ULK4: variants seen among roughly 807,000 people sequenced by gnomAD.
ULK4 encodes the protein inactive serine/threonine-protein kinase ULK4.
Under a neutral mutation model 160.6 loss-of-function variants are expected in ULK4, and 133 were observed. The observed-to-expected ratio is 0.83, with a 90% CI of 0.72 to 0.96. The LOEUF is 0.96. Ranked by LOEUF, ULK4 falls within the 40% of genes least tolerant of loss-of-function variation. The pLI is 0.00. For synonymous variants in ULK4, 534 were observed against 539.8 expected, an observed-to-expected ratio of 0.99 and a Z score of 0.15; for missense variants, 1,580 against 1,499.5, an observed-to-expected ratio of 1.05 and a Z score of -0.89.
chr3:41,496,100 G>A (rs2125912090), intron 32 of ULK4, among the ~76,000 whole-genome samples: 1 of 151,800 alleles, frequency 6.6e-6, no homozygotes, highest in African/African-American at 2.4e-5. Flanking sequence ...TTAAATAAGA[G>A]AAAAAGAGGT....
chr3:41,863,885 G>T (rs542410929), intron 17 of ULK4, among the ~76,000 whole-genome samples: 9 of 151,380 alleles, frequency 5.9e-5, no homozygotes, highest in Admixed American at 2.0e-4. Context: ...TCTTTTTTTG[G>T]AGCCGCGAGC....
intron 17 of ULK4, among the ~76,000 whole-genome samples, chr3:41,846,171 C>G (rs2042064409): frequency 1.3e-5 from 2 of 152,110 alleles, no homozygotes; most frequent in Non-Finnish European, 2.9e-5. Context: ...CTTTGGATAG[C>G]ATTAAAAAGT....
chr3:41,499,294 C>CTT (rs142496084), intron 32 of ULK4, among the ~76,000 whole-genome samples: 3,608 of 152,234 alleles, frequency 0.024, 126 homozygotes, highest in African/African-American at 0.078. Context: ...AACAGAGCTT[C>CTT]TTTAGCTCTG....
chr3:41,507,726 T>C (rs1329385290), intron 32 of ULK4, among the ~76,000 whole-genome samples: 1 of 148,766 alleles, frequency 6.7e-6, no homozygotes, highest in Non-Finnish European at 1.5e-5. Flanking sequence ...TTAAAACAAA[T>C]ACATTGTGGA....
At chr3:41,275,127 TAGA>T (rs576726219) in intron 35 of ULK4, among the ~76,000 whole-genome samples, 58 of 152,312 alleles carry the variant, frequency 3.8e-4, no homozygotes, top group African/African-American at 1.3e-3. Flanking sequence ...GGAAACACCC[TAGA>T]AGAAGTGACT....
intron 30 of ULK4, among the ~76,000 whole-genome samples, chr3:41,662,251 T>C (rs1001764380): frequency 6.6e-6 from 1 of 152,196 alleles, no homozygotes; most frequent in African/African-American, 2.4e-5. Flanking sequence ...AACACTTTGC[T>C]TCCAATTGGC....
intron 12 of ULK4, among the ~76,000 whole-genome samples, chr3:41,903,991 T>TAAAAAAA (rs35070842): frequency 7.4e-6 from 1 of 135,558 alleles, no homozygotes. Context: ...AAAAGGCTCT[T>TAAAAAAA]AAAAAAAAAA....
chr3:41,953,657 AC>A (rs1700377849), intron 2 of ULK4, among the ~76,000 whole-genome samples: 1 of 152,100 alleles, frequency 6.6e-6, no homozygotes, highest in Admixed American at 6.6e-5. Flanking sequence ...AGTCATTATC[AC>A]CCAGTGTCCT....
intron 17 of ULK4, among the ~76,000 whole-genome samples, chr3:41,843,255 T>C (rs182302101): frequency 1.3e-5 from 2 of 152,006 alleles, no homozygotes; most frequent in Non-Finnish European, 2.9e-5. Flanking sequence ...AAATAAGATA[T>C]CACTACACAC....
At chr3:41,636,956 T>A (rs2033980443) in intron 30 of ULK4, among the ~76,000 whole-genome samples, 1 of 152,222 alleles carries the variant, frequency 6.6e-6, no homozygotes, top group South Asian at 2.1e-4. Flanking sequence ...TATTTATTAA[T>A]CTTAATTTTA....
At chr3:41,446,349 C>T (rs2083296855) in intron 34 of ULK4, among the ~76,000 whole-genome samples, 4 of 152,002 alleles carry the variant, frequency 2.6e-5, no homozygotes, top group Admixed American at 2.6e-4. Context: ...CTAGAAATAC[C>T]ATTTGACCCA....
chr3:41,608,781 A>G (rs1028270494), intron 31 of ULK4, among the ~76,000 whole-genome samples: 5 of 152,232 alleles, frequency 3.3e-5, no homozygotes, highest in Non-Finnish European at 4.4e-5. Flanking sequence ...AGCCACATCC[A>G]CTGCCTTTTG....
intron 32 of ULK4, among the ~76,000 whole-genome samples, chr3:41,544,336 A>G (rs2086789667): frequency 6.6e-6 from 1 of 152,194 alleles, no homozygotes; most frequent in Non-Finnish European, 1.5e-5. Flanking sequence ...TAAATGCCTT[A>G]AATCAGTAAG....
At chr3:41,432,595 A>C (rs1171858767) in intron 34 of ULK4, among the ~76,000 whole-genome samples, 1 of 152,200 alleles carries the variant, frequency 6.6e-6, no homozygotes, top group Non-Finnish European at 1.5e-5. Context: ...GCAGCAAATT[A>C]GGTCAAGGAG....
chr3:41,849,171 C>T (rs2042143985), intron 17 of ULK4, among the ~76,000 whole-genome samples: 1 of 152,174 alleles, frequency 6.6e-6, no homozygotes, highest in Non-Finnish European at 1.5e-5. Flanking sequence ...CATAAGCTAG[C>T]CTATCCTGAC....
At chr3:41,337,236 C>A (rs1266533502) in intron 35 of ULK4, among the ~76,000 whole-genome samples, 1 of 152,042 alleles carries the variant, frequency 6.6e-6, no homozygotes, top group Non-Finnish European at 1.5e-5. Flanking sequence ...TTATAATATA[C>A]ATTATATTTC....
rs545739055 is a variant in ULK4 at position 41,257,987 on chromosome 3, C to T, written c.3679-8413G>A. Among the ~76,000 whole-genome samples the T allele has an allele frequency of 7.2e-5, 11 of 152,248 alleles. No homozygotes were observed. The South Asian group carries it at 1.7e-3, about 23-fold the overall frequency. ...GTATACTATGATACCAAACCATTTT[C>T]TATAGCTGGTAATGCCCGTGATAAG... On this transcript the variant is annotated intron_variant, in intron 35 of 36. Coordinates refer to ENST00000301831, the MANE Select transcript of ULK4 (RefSeq NM_017886.4).
chr3:41,422,013 T>C (rs1453425706), intron 34 of ULK4, among the ~76,000 whole-genome samples: 1 of 152,160 alleles, frequency 6.6e-6, no homozygotes, highest in African/African-American at 2.4e-5. Context: ...ATTCTGGTAT[T>C]TACCCTTTAA....
chr3:41,559,061 G>T (rs1457449646), intron 32 of ULK4, among the ~76,000 whole-genome samples: 1 of 138,026 alleles, frequency 7.2e-6, no homozygotes, highest in African/African-American at 2.8e-5. Flanking sequence ...GGTGTATCAT[G>T]TTCCCCTTCC....
Sources: gnomAD v4.1 joint callset for allele counts (sites outside exome capture counted in the v4.1 genomes callset) on GRCh38, gnomAD v4.1.1 for gene constraint, MANE v1.5 for transcripts, NCBI Gene and HGNC (gene_info 2026-07-23, HGNC 2026-07-21) for gene names.